The following GSPT1 variants were observed in gnomAD, a reference collection of about 807,000 sequenced individuals.
GSPT1 encodes eukaryotic peptide chain release factor GTP-binding subunit ERF3A.
Under a neutral mutation model 72.5 loss-of-function variants are expected in GSPT1, and 20 were observed. The ratio of observed to expected loss-of-function variants is 0.28; its 90% CI spans 0.19 to 0.40. The LOEUF is 0.40. Among genes scored for constraint, GSPT1 ranks in the 10% least tolerant of loss-of-function variants. GSPT1 has a pLI of 1.00. For missense variants in GSPT1, 580 were observed against 811.9 expected (o/e 0.71, Z 3.47); for synonymous variants, 334 against 293.5 (o/e 1.14, Z -1.41).
chr16:11,903,752 G>A (rs1417843403), intron 1 of GSPT1, among the ~76,000 whole-genome samples: 2 of 152,162 alleles, frequency 1.3e-5, no homozygotes, highest in Non-Finnish European at 2.9e-5. Context: ...CAGTGTGAAT[G>A]TACTAAATGC....
intron 1 of GSPT1, among the ~76,000 whole-genome samples, chr16:11,905,509 A>G (rs2054477565): frequency 6.6e-6 from 1 of 152,114 alleles, no homozygotes; most frequent in South Asian, 2.1e-4. Context: ...TCACTCCCCT[A>G]GGACATGACA....
At chr16:11,881,347 C>T (rs2054119969) in intron 11 of GSPT1, 1 of 151,624 alleles carries the variant, frequency 6.6e-6, no homozygotes, top group Admixed American at 6.6e-5. Flanking sequence ...AGAACAGCTA[C>T]TTTCTCTATA....
At position 11,869,880 on chromosome 16, in the gene GSPT1, G is replaced by A. The variant is rs2053959877; in HGVS notation, c.*3239C>T. ...ATCATAGGTTCAACTTTTTTCTTGG[G>A]TTGCAAAACTGCATCTGGCTGCAAG... On this transcript the variant is annotated 3_prime_UTR_variant, in exon 15 of 15. Coordinates refer to ENST00000434724, the MANE Select transcript of GSPT1 (RefSeq NM_002094.4). The A allele has an allele frequency of 1.3e-5, 2 of 152,030 alleles. No homozygotes were observed. Among genetic ancestry groups the A allele is most frequent in the African/African-American group, 4.8e-5 (2 of 41,394 alleles). The allele number at this position is 152,030 out of a possible 1,614,324, so 9.4% of individuals were successfully genotyped here.
At chr16:11,889,231 C>T (rs1361646163) in intron 6 of GSPT1, among the ~76,000 whole-genome samples, 1 of 151,602 alleles carries the variant, frequency 6.6e-6, no homozygotes, top group Non-Finnish European at 1.5e-5. Context: ...TGGTGTGAAC[C>T]CAGGAGGTGG....
intron 1 of GSPT1, 70 bp downstream of exon 1, chr16:11,915,299 C>T: frequency 6.0e-6 from 8 of 1,335,146 alleles, no homozygotes; most frequent in Non-Finnish European, 6.7e-6. Flanking sequence ...CGCGCGCCCC[C>T]GGACCGCACC....
At chr16:11,900,112 TC>T (rs921967542) in intron 1 of GSPT1, among the ~76,000 whole-genome samples, 1 of 151,882 alleles carries the variant, frequency 6.6e-6, no homozygotes, top group Non-Finnish European at 1.5e-5. Context: ...AGCGGGGGGA[TC>T]ATTTGAGTTC....
chr16:11,913,052 A>G (rs545729766), intron 1 of GSPT1, among the ~76,000 whole-genome samples: 2 of 152,154 alleles, frequency 1.3e-5, no homozygotes, highest in Non-Finnish European at 1.5e-5. Context: ...TGCTAGCCCT[A>G]TTGTCCACTT....
At chr16:11,903,955 A>G in intron 1 of GSPT1, 1 of 196,306 alleles carries the variant, frequency 5.1e-6, no homozygotes, top group South Asian at 1.0e-4. Context: ...AGCCTTCCTC[A>G]TCTGCTCAAA....
At chr16:11,874,848 GT>G (rs908074288) in intron 14 of GSPT1, among the ~76,000 whole-genome samples, 2 of 152,156 alleles carry the variant, frequency 1.3e-5, no homozygotes, top group African/African-American at 4.8e-5. Context: ...GAACTATAAA[GT>G]TTTATGTAAA....
chr16:11,873,952 G>T (rs1246125373), intron 14 of GSPT1, among the ~76,000 whole-genome samples: 2 of 152,226 alleles, frequency 1.3e-5, no homozygotes, highest in Admixed American at 6.5e-5. Context: ...TATCCACCCA[G>T]TGGAGTACTA....
Position 11,868,976 on chromosome 16 carries a change from CAGCT to C in GSPT1, c.*4139_*4142del, listed in dbSNP as rs1195731874. ...TTATAATAATCCTTAGTAAACAACT[CAGCT>C]AGCATTATTGTTTCAAGGAAGCATA... On this transcript the variant is annotated 3_prime_UTR_variant, in exon 15 of 15. Coordinates refer to ENST00000434724, the MANE Select transcript of GSPT1 (RefSeq NM_002094.4). 2.6e-5 allele frequency: 4 copies of C among 152,180 alleles called. No individual in the cohort carries two copies. The highest frequency in any genetic ancestry group is 4.4e-5 in the Non-Finnish European group (3 of 68,038). The allele number at this position is 152,180 out of a possible 1,614,324, so 9.4% of individuals were successfully genotyped here.
At chr16:11,904,473 A>G (rs1215053709) in intron 1 of GSPT1, among the ~76,000 whole-genome samples, 1 of 152,066 alleles carries the variant, frequency 6.6e-6, no homozygotes, top group Non-Finnish European at 1.5e-5. Flanking sequence ...AAGTGCTGGG[A>G]TTACAAGCGT....
intron 5 of GSPT1, among the ~76,000 whole-genome samples, chr16:11,893,688 T>A (rs547224556): frequency 1.1e-4 from 17 of 152,188 alleles, no homozygotes; most frequent in African/African-American, 4.1e-4. Flanking sequence ...AGAAACCCAG[T>A]GTGACGCCAC....
chr16:11,871,109 T>C lies in GSPT1; in HGVS notation c.*2010A>G, dbSNP rs368197622. Reference sequence around the variant, plus strand: ...TATTATGTTTTGATTAAAGCTCCTATATTTTCCAGAAAAATAAAAGCCCAG... The same window carrying C: ...TATTATGTTTTGATTAAAGCTCCTACATTTTCCAGAAAAATAAAAGCCCAG... On this transcript the variant is annotated 3_prime_UTR_variant, in exon 15 of 15. Transcript: ENST00000434724. 30 of 152,332 alleles carry C rather than the reference T, an allele frequency of 2.0e-4. No individual in the cohort carries two copies. The East Asian group carries it at 5.0e-3, about 25-fold the overall frequency. The allele number at this position is 152,332 out of a possible 1,614,324, so 9.4% of individuals were successfully genotyped here. A position where few individuals can be genotyped will look rare whatever the true frequency, so the allele number is the denominator to read the frequency against.
rs1014768832 is a variant in GSPT1 at position 11,911,715 on chromosome 16, G to A, written c.352+3654C>T. Among the ~76,000 whole-genome samples, 8 of 151,684 alleles carry A rather than the reference G, an allele frequency of 5.3e-5. 1 individual carries two copies. The highest frequency in any genetic ancestry group is 1.3e-4 in the Admixed American group (2 of 15,202). ...CTACGGGCGCGCACCACCATGCCTG[G>A]CTAATTTTTATATTTTTAATAGAGA... On this transcript the variant is annotated intron_variant, in intron 1 of 14. Coordinates refer to ENST00000434724, the MANE Select transcript of GSPT1 (RefSeq NM_002094.4).
At chr16:11,891,521 C>A (rs769760224) in intron 5 of GSPT1, among the ~76,000 whole-genome samples, 2 of 151,542 alleles carry the variant, frequency 1.3e-5, no homozygotes, top group South Asian at 2.1e-4. Context: ...ACCACCAAAC[C>A]CGGCTAATTT....
intron 1 of GSPT1, among the ~76,000 whole-genome samples, chr16:11,911,588 T>C (rs2054557467): frequency 6.8e-6 from 1 of 146,068 alleles, no homozygotes; most frequent in Admixed American, 7.1e-5. Context: ...AGAGTGTCAA[T>C]GTCGCCCAGG....
At chr16:11,878,289 G>A (rs991312586) in intron 11 of GSPT1, among the ~76,000 whole-genome samples, 2 of 151,980 alleles carry the variant, frequency 1.3e-5, no homozygotes, top group African/African-American at 4.8e-5. Flanking sequence ...CTAATTTTTT[G>A]TATTTTTAGT....
In GSPT1 at chr16:11,891,142, G is replaced by A. The variant is rs572935267; in HGVS notation, c.699-3C>T. The A allele has an allele frequency of 1.8e-4, 247 of 1,383,350 alleles. No individual in the cohort carries two copies. The African/African-American group carries it at 2.8e-3, about 15-fold the overall frequency. The allele number at this position is 1,383,350 out of a possible 1,614,324, so 85.7% of individuals were successfully genotyped here. The stretch of plus-strand genomic sequence containing the variant: ...TGTCAACCATTCCAGTCAAATACCT[G>A]AAAACATTTAAAGAAAAAAAAAAGT... On this transcript the variant is annotated splice_polypyrimidine_tract_variant and splice_region_variant and intron_variant, in intron 5 of 14. Transcript: ENST00000434724.
Sources: gnomAD v4.1 joint callset for allele counts (sites outside exome capture counted in the v4.1 genomes callset) on GRCh38, gnomAD v4.1.1 for gene constraint, MANE v1.5 for transcripts, NCBI Gene and HGNC (gene_info 2026-07-23, HGNC 2026-07-21) for gene names.